The following ADCY2 variants were observed in gnomAD, a reference collection of about 807,000 sequenced individuals.
The protein encoded by ADCY2 is adenylate cyclase 2, also known as adenylate cyclase type 2.
In ADCY2, 31 loss-of-function variants were observed where a neutral mutation model predicts 125.2. That is an observed-to-expected ratio of 0.25 (90% CI 0.19 to 0.33). The LOEUF is 0.33. Among genes scored for constraint, ADCY2 ranks in the 10% least tolerant of loss-of-function variants. The pLI is 1.00. For missense variants in ADCY2, 904 were observed against 1,418.2 expected, an observed-to-expected ratio of 0.64 and a Z score of 5.82; for synonymous variants, 512 against 548.4, an observed-to-expected ratio of 0.93 and a Z score of 0.93.
intron 1 of ADCY2, among the ~76,000 whole-genome samples, chr5:7,402,021 A>G (rs1480947107): frequency 1.3e-5 from 2 of 152,348 alleles, no homozygotes; most frequent in East Asian, 3.9e-4. Context: ...ACTGTGATTG[A>G]CATCACCCTG....
chr5:7,672,940 T>A (rs1378127877), intron 4 of ADCY2, among the ~76,000 whole-genome samples: 1 of 151,960 alleles, frequency 6.6e-6, no homozygotes, highest in African/African-American at 2.4e-5. Context: ...TGTCCTGGGA[T>A]GTCATCCCAC....
At chr5:7,430,522 G>GTATA (rs139926158) in intron 2 of ADCY2, among the ~76,000 whole-genome samples, 9 of 146,428 alleles carry the variant, frequency 6.1e-5, no homozygotes, top group South Asian at 2.1e-4. Flanking sequence ...ATGTGTGTAT[G>GTATA]TATATATATA....
At chr5:7,526,435 A>G (rs1734464546) in intron 3 of ADCY2, among the ~76,000 whole-genome samples, 1 of 145,812 alleles carries the variant, frequency 6.9e-6, no homozygotes, top group Non-Finnish European at 1.5e-5. Context: ...ACAACAATTC[A>G]TTATATATTT....
chr5:7,703,072 G>T (rs1482101711), intron 7 of ADCY2, among the ~76,000 whole-genome samples: 1 of 149,230 alleles, frequency 6.7e-6, no homozygotes, highest in Non-Finnish European at 1.5e-5. Context: ...TTTTGATGGG[G>T]TTGTTTGATT....
chr5:7,450,433 T>C (rs898332615), intron 2 of ADCY2, among the ~76,000 whole-genome samples: 4 of 152,204 alleles, frequency 2.6e-5, no homozygotes, highest in African/African-American at 9.6e-5. Flanking sequence ...TTCAATTCTA[T>C]GAAGGCTGAG....
intron 2 of ADCY2, among the ~76,000 whole-genome samples, chr5:7,466,567 C>A (rs1159915352): frequency 6.6e-6 from 1 of 152,208 alleles, no homozygotes; most frequent in East Asian, 1.9e-4. Flanking sequence ...TCTCTAATCA[C>A]TGTGCTATCC....
chr5:7,820,779 T>G, intron 24 of ADCY2, 90 bp downstream of exon 24: 3 of 1,387,818 alleles, frequency 2.2e-6, no homozygotes, highest in South Asian at 3.7e-5. Flanking sequence ...ACTAATATAT[T>G]AAAACAAAGG....
At chr5:7,528,911 G>A (rs41332447) in intron 3 of ADCY2, among the ~76,000 whole-genome samples, 1,782 of 152,298 alleles carry the variant, frequency 0.012, 34 homozygotes, top group African/African-American at 0.04. Flanking sequence ...CTTTGAAACC[G>A]TGTAAGACAA....
At chr5:7,620,465 A>G (rs1737918539) in intron 3 of ADCY2, among the ~76,000 whole-genome samples, 1 of 152,192 alleles carries the variant, frequency 6.6e-6, no homozygotes, top group Admixed American at 6.5e-5. Flanking sequence ...CACATGACCT[A>G]AAGATCACTG....
intron 2 of ADCY2, among the ~76,000 whole-genome samples, chr5:7,519,183 A>G (rs1261671232): frequency 6.6e-6 from 1 of 152,178 alleles, no homozygotes; most frequent in Non-Finnish European, 1.5e-5. Flanking sequence ...AAGTGGTGAC[A>G]GATGGTTCTT....
chr5:7,546,813 A>C (rs188666670), intron 3 of ADCY2, among the ~76,000 whole-genome samples: 1 of 151,924 alleles, frequency 6.6e-6, no homozygotes, highest in South Asian at 2.1e-4. Context: ...AAGGCACCAC[A>C]CCTCCTCCAA....
chr5:7,629,326 G>C (rs1042033966), intron 4 of ADCY2, among the ~76,000 whole-genome samples: 1 of 150,700 alleles, frequency 6.6e-6, no homozygotes, highest in Non-Finnish European at 1.5e-5. Flanking sequence ...CAGGATTGGA[G>C]GGGGGGCACT....
intron 2 of ADCY2, among the ~76,000 whole-genome samples, chr5:7,426,756 G>A (rs1740402660): frequency 6.6e-6 from 1 of 152,110 alleles, no homozygotes. Context: ...TCTCCCCCAG[G>A]AGATCTAGAG....
intron 3 of ADCY2, among the ~76,000 whole-genome samples, chr5:7,612,111 T>A (rs1737589186): frequency 6.6e-6 from 1 of 152,190 alleles, no homozygotes; most frequent in Admixed American, 6.5e-5. Flanking sequence ...CCATTTTTTT[T>A]ATTCTTAGAA....
intron 17 of ADCY2, among the ~76,000 whole-genome samples, chr5:7,770,938 C>A (rs1743536671): frequency 6.6e-6 from 1 of 152,136 alleles, no homozygotes; most frequent in Admixed American, 6.5e-5. Flanking sequence ...AAAAAGGAAG[C>A]CATATGAAAT....
At chr5:7,414,248 C>T (rs990719604) in intron 1 of ADCY2, among the ~76,000 whole-genome samples, 4 of 152,142 alleles carry the variant, frequency 2.6e-5, no homozygotes, top group African/African-American at 9.7e-5. Context: ...AGTTGGTTGT[C>T]TTATTTTCTC....
intron 17 of ADCY2, among the ~76,000 whole-genome samples, chr5:7,772,318 C>A (rs1743580501): frequency 6.6e-6 from 1 of 152,188 alleles, no homozygotes; most frequent in South Asian, 2.1e-4. Context: ...TACCAGCTCG[C>A]TGGCCGCCAC....
At chr5:7,690,640 T>G in intron 4 of ADCY2, 51 bp from the exon 5 acceptor site, 1 of 1,433,062 alleles carries the variant, frequency 7.0e-7, no homozygotes, top group East Asian at 2.6e-5. Context: ...TATTTGGTCA[T>G]CCCCCGAGGT....
intron 2 of ADCY2, among the ~76,000 whole-genome samples, chr5:7,490,219 G>C (rs1347722018): frequency 6.6e-6 from 1 of 152,072 alleles, no homozygotes; most frequent in Non-Finnish European, 1.5e-5. Flanking sequence ...TGTTTAATAA[G>C]AATAGCTTCT....
Sources: allele counts gnomAD v4.1 joint callset (sites outside exome capture counted in the v4.1 genomes callset), GRCh38; gene constraint gnomAD v4.1.1; transcripts MANE v1.5; gene names NCBI Gene and HGNC (gene_info 2026-07-23, HGNC 2026-07-21).